The following NUP155 variants were observed in gnomAD, a reference collection of about 807,000 sequenced individuals.
The protein encoded by NUP155 is nucleoporin 155.
A neutral mutation model predicts 180.4 loss-of-function variants in NUP155; 71 were observed. That is an observed-to-expected ratio of 0.39 (90% CI 0.33 to 0.48). The LOEUF (loss-of-function observed/expected upper bound fraction) is 0.48. NUP155 is among the 20% of genes least tolerant of loss of function. The probability of loss-of-function intolerance (pLI) is 0.91; values close to 1 mark genes in which losing one functional copy is unlikely to be tolerated. For missense variants in NUP155, 1,553 were observed against 1,648.9 expected, an observed-to-expected ratio of 0.94 and a Z score of 1.01; for synonymous variants, 582 against 559.5, an observed-to-expected ratio of 1.04 and a Z score of -0.57.
intron 12 of NUP155, among the ~76,000 whole-genome samples, chr5:37,334,065 C>T (rs777775874): frequency 4.6e-5 from 7 of 150,680 alleles, no homozygotes; most frequent in East Asian, 2.0e-4. Context: ...CCTCCCAAAG[C>T]GCTGGGATTA....
intron 32 of NUP155, among the ~76,000 whole-genome samples, chr5:37,296,561 G>C (rs955440596): frequency 7.5e-6 from 1 of 133,682 alleles, no homozygotes; most frequent in Admixed American, 7.6e-5. Context: ...GAAGGCAGCC[G>C]CAGGGTCCTC....
chr5:37,354,928 C>T (rs2111631431), intron 4 of NUP155, among the ~76,000 whole-genome samples: 1 of 151,868 alleles, frequency 6.6e-6, no homozygotes, highest in Non-Finnish European at 1.5e-5. Context: ...CCTGTCTCTA[C>T]TAAAAATACA....
intron 32 of NUP155, among the ~76,000 whole-genome samples, chr5:37,295,605 C>T (rs1338196320): frequency 6.2e-5 from 7 of 112,346 alleles, no homozygotes; most frequent in African/African-American, 3.0e-5. Flanking sequence ...AAGTGAGGAG[C>T]GCCTCTTCCC....
chr5:37,301,252 A>G, intron 30 of NUP155, 185 bp downstream of exon 30: 1 of 554,972 alleles, frequency 1.8e-6, no homozygotes, highest in South Asian at 2.0e-5. Flanking sequence ...AGAGTAGCTT[A>G]GCCTTTTTCT....
intron 15 of NUP155, 120 bp from the exon 16 acceptor site, chr5:37,329,398 A>ATTTAC: frequency 4.0e-6 from 3 of 750,140 alleles, no homozygotes; most frequent in Non-Finnish European, 7.2e-6. Context: ...AGAGACTTCA[A>ATTTAC]TGTATTGTGC....
At position 37,307,283 on chromosome 5, in the gene NUP155, G is replaced by A. The variant is rs780876628; in HGVS notation, c.2903+14C>T. ...TCCATAAAGATGACAATCTGCTAAC[G>A]TAATGGAATGCACCTTTCTTGGAAG... On this transcript the variant is annotated intron_variant, in intron 25 of 34. Coordinates refer to ENST00000231498, the MANE Select transcript of NUP155 (RefSeq NM_153485.3). The A allele has an allele frequency of 3.1e-6, 5 of 1,612,432 alleles. No homozygotes were observed. The African/African-American group carries it at 4.0e-5, about 13-fold the overall frequency.
chr5:37,347,203 G>C (rs1027701502), intron 9 of NUP155, among the ~76,000 whole-genome samples: 1 of 152,090 alleles, frequency 6.6e-6, no homozygotes, highest in Non-Finnish European at 1.5e-5. Context: ...ACTCCAGCCT[G>C]GGCAACAGAG....
chr5:37,366,439 CTTTTTA>C (rs897070578), intron 1 of NUP155, among the ~76,000 whole-genome samples: 5 of 152,086 alleles, frequency 3.3e-5, no homozygotes, highest in African/African-American at 4.8e-5. Flanking sequence ...CCCCAATTAT[CTTTTTA>C]TTTTTATTTT....
chr5:37,364,002 T>A lies in NUP155; in HGVS notation c.296-18A>T. 2 of 1,545,854 alleles carry A rather than the reference T, an allele frequency of 1.3e-6. No homozygotes were observed. The highest frequency in any genetic ancestry group is 8.9e-7 in the Non-Finnish European group (1 of 1,117,762). ...CTGCATATCTGAGGTAGTGTGGATGTAAGGCAGACAGAGGTGAATCTTATT... is the reference window on the plus strand; with the variant it reads ...CTGCATATCTGAGGTAGTGTGGATGAAAGGCAGACAGAGGTGAATCTTATT... On this transcript the variant is annotated intron_variant, in intron 2 of 34. Transcript: ENST00000231498.
chr5:37,332,761 C>T (rs532387367), intron 13 of NUP155, among the ~76,000 whole-genome samples: 175 of 151,974 alleles, frequency 1.2e-3, no homozygotes, highest in Non-Finnish European at 1.9e-3. Flanking sequence ...GAGTTTGAGA[C>T]GAGCCTGGGC....
chr5:37,371,099 G>T lies in NUP155; in HGVS notation c.-122C>A, dbSNP rs923754951. The T allele has an allele frequency of 3.8e-5, 36 of 940,148 alleles. No homozygotes were observed. Among genetic ancestry groups the T allele is most frequent in the Middle Eastern group, 2.8e-4 (1 of 3,610 alleles). The allele number at this position is 940,148 out of a possible 1,614,324, so 58.2% of individuals were successfully genotyped here. A position where few individuals can be genotyped will look rare whatever the true frequency, so the allele number is the denominator to read the frequency against. On this transcript the variant is annotated 5_prime_UTR_variant, in exon 1 of 35. Coordinates refer to ENST00000231498, the MANE Select transcript of NUP155 (RefSeq NM_153485.3). The stretch of plus-strand genomic sequence containing the variant: ...GCGCGCGCCAAACGAGCGCCTTGGC[G>T]CCTCGACATGACGCACTTCCGCTTC...
At chr5:37,318,788 T>C (rs540121092) in intron 20 of NUP155, among the ~76,000 whole-genome samples, 4 of 152,110 alleles carry the variant, frequency 2.6e-5, no homozygotes, top group Non-Finnish European at 5.9e-5. Context: ...AAAGAAGATA[T>C]ACCTAAAGAC....
intron 32 of NUP155, 31 bp from the exon 33 acceptor site, chr5:37,294,496 G>T (rs1441464953): frequency 3.7e-6 from 6 of 1,602,760 alleles, no homozygotes; most frequent in Non-Finnish European, 4.3e-6. Context: ...CGGAAATTTG[G>T]ATTTTTAGCT....
chr5:37,364,159 A>G lies in NUP155; in HGVS notation c.295+88T>C. Reference sequence around the variant, plus strand: ...AATAAAACCCTTAAATGAATATATAACACATTAATTAAACATAGAACAAGA... The same window carrying G: ...AATAAAACCCTTAAATGAATATATAGCACATTAATTAAACATAGAACAAGA... On this transcript the variant is annotated intron_variant, in intron 2 of 34. Coordinates refer to ENST00000231498, the MANE Select transcript of NUP155 (RefSeq NM_153485.3). 4 of 1,202,860 alleles carry G rather than the reference A, an allele frequency of 3.3e-6. No homozygotes were observed. The South Asian group carries it at 3.8e-5, about 11-fold the overall frequency. 74.5% of individuals were successfully genotyped at this position (1,202,860 alleles called of 1,614,324 possible).
chr5:37,341,261 T>C lies in NUP155; in HGVS notation c.1094-19A>G, dbSNP rs759189068. Reference sequence around the variant, plus strand: ...CTAACACCTGAAGATGGGGTAAAATTATGCATCAGTAATAGAAAACAAGGA... The same window carrying C: ...CTAACACCTGAAGATGGGGTAAAATCATGCATCAGTAATAGAAAACAAGGA... On this transcript the variant is annotated intron_variant, in intron 10 of 34. Transcript: ENST00000231498. 10 of 1,608,914 alleles carry C rather than the reference T, an allele frequency of 6.2e-6. No individual in the cohort carries two copies. The African/African-American group carries it at 1.2e-4, about 19-fold the overall frequency.
In NUP155 at chr5:37,291,618, C is replaced by A; in HGVS notation, c.*282G>T. 6.7e-6 allele frequency: 2 copies of A among 297,074 alleles called. No homozygotes were observed. Among genetic ancestry groups the A allele is most frequent in the African/African-American group, 4.5e-5 (2 of 44,550 alleles). The allele number at this position is 297,074 out of a possible 1,614,324, so 18.4% of individuals were successfully genotyped here. A position where few individuals can be genotyped will look rare whatever the true frequency, so the allele number is the denominator to read the frequency against. On this transcript the variant is annotated 3_prime_UTR_variant, in exon 35 of 35. Transcript: ENST00000231498. ...AATATAAATTCGAAATTTCTGCCTG[C>A]AGTACAATTCAAAATAAGAGTTTCT...
At position 37,325,884 on chromosome 5, in the gene NUP155, A is replaced by G; in HGVS notation, c.2091+17T>C. On this transcript the variant is annotated intron_variant, in intron 19 of 34. Coordinates refer to ENST00000231498, the MANE Select transcript of NUP155 (RefSeq NM_153485.3). ...CTGGCTACACAAAAATAACAAAATAATATTATACACACTTACTGCAGTGAT... is the reference window on the plus strand; with the variant it reads ...CTGGCTACACAAAAATAACAAAATAGTATTATACACACTTACTGCAGTGAT... 1 of 1,535,094 alleles carries G rather than the reference A, an allele frequency of 6.5e-7. No homozygotes were observed. Among genetic ancestry groups the G allele is most frequent in the Non-Finnish European group, 9.0e-7 (1 of 1,109,490 alleles).
At chr5:37,343,076 TC>T (rs913986567) in intron 9 of NUP155, among the ~76,000 whole-genome samples, 3 of 151,736 alleles carry the variant, frequency 2.0e-5, no homozygotes, top group African/African-American at 4.8e-5. Context: ...CTTTTTTTTT[TC>T]TTTTTTCTTT....
intron 25 of NUP155, among the ~76,000 whole-genome samples, chr5:37,306,325 TTGAGCCCAAAAGGTCAAGAGTACAG>T (rs1483952108): frequency 6.6e-6 from 1 of 152,054 alleles, no homozygotes; most frequent in East Asian, 1.9e-4. Context: ...ACTGGATCAC[TTGAGCCCAAAAGGTCAAGAGTACAG>T]TGAGCTATGA....
Sources: allele counts gnomAD v4.1 joint callset (sites outside exome capture counted in the v4.1 genomes callset), GRCh38; gene constraint gnomAD v4.1.1; transcripts MANE v1.5; gene names NCBI Gene and HGNC (gene_info 2026-07-23, HGNC 2026-07-21).